The following FFAR4 variants were observed in gnomAD, a reference collection of about 807,000 sequenced individuals.
FFAR4 encodes the protein G-protein coupled receptor 120.
Under a neutral mutation model 27.0 loss-of-function variants are expected in FFAR4, and 19 were observed. That is an observed-to-expected ratio of 0.70 (90% CI 0.49 to 1.03). FFAR4 has a LOEUF of 1.03. Among genes scored for constraint, FFAR4 ranks in the 50% least tolerant of loss-of-function variants. FFAR4 has a pLI of 0.00. For missense variants in FFAR4, 476 were observed against 479.0 expected (o/e 0.99, Z 0.06); for synonymous variants, 254 against 215.6 (o/e 1.18, Z -1.56).
At chr10:93,567,673 CAG>C (rs2058107180) in intron 1 of FFAR4, among the ~76,000 whole-genome samples, 2 of 152,120 alleles carry the variant, frequency 1.3e-5, no homozygotes, top group Non-Finnish European at 2.9e-5. Flanking sequence ...AGATGAGAAC[CAG>C]AGGCACACCG....
At chr10:93,580,190 C>A (rs74150273) in intron 2 of FFAR4, among the ~76,000 whole-genome samples, 6,493 of 152,230 alleles carry the variant, frequency 0.043, 438 homozygotes, top group African/African-American at 0.14. Flanking sequence ...ACTGAGTCAG[C>A]TTTTCTGTCC....
chr10:93,580,174 A>G (rs1039245844), intron 2 of FFAR4, among the ~76,000 whole-genome samples: 4 of 152,236 alleles, frequency 2.6e-5, no homozygotes, highest in African/African-American at 9.6e-5. Flanking sequence ...TACGTAACTC[A>G]GAGATACTGA....
intron 1 of FFAR4, among the ~76,000 whole-genome samples, chr10:93,570,177 CTCTG>C (rs1413564216): frequency 1.4e-5 from 2 of 146,496 alleles, no homozygotes; most frequent in African/African-American, 5.1e-5. Context: ...CTCTCTCTGT[CTCTG>C]TCTCTCTCAC....
chr10:93,589,515 AACTCAAGGGGAAT>A lies in FFAR4; in HGVS notation c.*1911_*1923del, dbSNP rs2134561848. The A allele has an allele frequency of 6.7e-6, 1 of 149,960 alleles. No individual in the cohort carries two copies. Among genetic ancestry groups the A allele is most frequent in the African/African-American group, 2.4e-5 (1 of 40,958 alleles). The allele number at this position is 149,960 out of a possible 1,614,324, so 9.3% of individuals were successfully genotyped here. On this transcript the variant is annotated 3_prime_UTR_variant, in exon 3 of 3. Coordinates refer to ENST00000371481, the MANE Select transcript of FFAR4 (RefSeq NM_001195755.2). Reference sequence around the variant, plus strand: ...TTGATAGAATGTGAGGGAAAGGGAGAACTCAAGGGGAATACTCTGATTTTTTAGCCTGTCATTG... The same window carrying A: ...TTGATAGAATGTGAGGGAAAGGGAGAACTCTGATTTTTTAGCCTGTCATTG...
intron 2 of FFAR4, among the ~76,000 whole-genome samples, chr10:93,586,949 G>A (rs1382322337): frequency 1.3e-5 from 2 of 152,144 alleles, no homozygotes; most frequent in Non-Finnish European, 2.9e-5. Flanking sequence ...AAATAACAGG[G>A]AAGATGTCCC....
chr10:93,567,119 C>A lies in FFAR4; in HGVS notation c.399C>A (p.Ser133Arg). 2 of 1,608,612 alleles carry A rather than the reference C, an allele frequency of 1.2e-6. No homozygotes were observed. The highest frequency in any genetic ancestry group is 1.7e-6 in the Non-Finnish European group (2 of 1,178,806). ...SVTILTLAAV[S>R]LERMVCIVHL... Reference sequence around the variant, plus strand: ...CCATCCTCACGCTGGCCGCGGTCAGCCTGGAGCGCATGGTGTGCATCGTGC... The same window carrying A: ...CCATCCTCACGCTGGCCGCGGTCAGACTGGAGCGCATGGTGTGCATCGTGC... The change falls in exon 1 of 3, where the codon AGC (serine) becomes AGA (arginine). Residue 133 changes from serine (S) to arginine (R), a missense_variant. Physicochemically the swap from Ser to Arg is moderately radical, Grantham distance 110. Transcript: ENST00000371481.
intron 1 of FFAR4, among the ~76,000 whole-genome samples, chr10:93,572,470 C>T (rs2058137190): frequency 6.6e-6 from 1 of 152,098 alleles, no homozygotes; most frequent in South Asian, 2.1e-4. Flanking sequence ...GAAGCGTTGG[C>T]AGAGGAGAGG....
chr10:93,584,323 T>C (rs145443392), intron 2 of FFAR4, among the ~76,000 whole-genome samples: 8 of 152,330 alleles, frequency 5.3e-5, no homozygotes, highest in Non-Finnish European at 1.0e-4. Flanking sequence ...GAGACTTTTG[T>C]AATTTGTCTC....
In FFAR4 at chr10:93,590,044, T is replaced by G. The variant is rs1319091478; in HGVS notation, c.*2435T>G. 6.6e-6 allele frequency: 1 copy of G among 152,214 alleles called. No homozygotes were observed. Among genetic ancestry groups the G allele is most frequent in the African/African-American group, 2.4e-5 (1 of 41,440 alleles). 9.4% of individuals were successfully genotyped at this position (152,214 alleles called of 1,614,324 possible). ...TTTTGCTCACTTTAGTTAATAGATTTGATCAATTAAACCTGTTTTTGGAAG... is the reference window on the plus strand; with the variant it reads ...TTTTGCTCACTTTAGTTAATAGATTGGATCAATTAAACCTGTTTTTGGAAG... On this transcript the variant is annotated 3_prime_UTR_variant, in exon 3 of 3. Transcript: ENST00000371481.
Position 93,586,295 on chromosome 10 carries a change from C to T in FFAR4, c.697-925C>T, listed in dbSNP as rs541212579. On this transcript the variant is annotated intron_variant, in intron 2 of 2. Transcript: ENST00000371481. ...CCCCCTTCGCTTGGTTCTCATTCTT[C>T]TCCTTCCTGCCACCGTGTGGAGAAA... Among the ~76,000 whole-genome samples, 5 of 152,264 alleles carry T rather than the reference C, an allele frequency of 3.3e-5. No homozygotes were observed. In the South Asian group the frequency reaches 1.0e-3, roughly 32 times the overall value.
At chr10:93,580,316 C>CA (rs762859058) in intron 2 of FFAR4, among the ~76,000 whole-genome samples, 13 of 152,316 alleles carry the variant, frequency 8.5e-5, no homozygotes, top group Non-Finnish European at 1.5e-4. Context: ...GGGATACAAA[C>CA]ACTACAGCAC....
chr10:93,574,437 C>T (rs960332898), intron 1 of FFAR4, among the ~76,000 whole-genome samples: 3 of 152,098 alleles, frequency 2.0e-5, no homozygotes, highest in South Asian at 2.1e-4. Flanking sequence ...CCATTTCTTC[C>T]GATTGATGCT....
At chr10:93,568,744 T>C (rs1040190360) in intron 1 of FFAR4, among the ~76,000 whole-genome samples, 3 of 149,160 alleles carry the variant, frequency 2.0e-5, no homozygotes, top group African/African-American at 4.9e-5. Flanking sequence ...CTGTGCGAGA[T>C]TTTTTTTTTT....
chr10:93,581,871 C>T (rs905194463), intron 2 of FFAR4, among the ~76,000 whole-genome samples: 5 of 152,088 alleles, frequency 3.3e-5, no homozygotes, highest in Admixed American at 6.5e-5. Flanking sequence ...TGTGCCTCAC[C>T]GGAGAAGACA....
chr10:93,584,503 C>T (rs896303720), intron 2 of FFAR4, among the ~76,000 whole-genome samples: 21 of 152,084 alleles, frequency 1.4e-4, no homozygotes, highest in South Asian at 6.2e-4. Context: ...TTAAATGTGA[C>T]GACTGAGAAG....
In FFAR4 at chr10:93,566,691, C is replaced by G. The variant is rs372628323; in HGVS notation, c.-30C>G. The G allele has an allele frequency of 2.3e-3, 3,323 of 1,454,390 alleles. 4 individuals carry two copies. The highest frequency in any genetic ancestry group is 2.8e-3 in the Non-Finnish European group (3,057 of 1,079,116). 90.1% of individuals were successfully genotyped at this position (1,454,390 alleles called of 1,614,324 possible). On this transcript the variant is annotated 5_prime_UTR_variant, in exon 1 of 3. An upstream open reading frame in the 5' UTR gains an earlier in-frame stop. Coordinates refer to ENST00000371481, the MANE Select transcript of FFAR4 (RefSeq NM_001195755.2). ...GTCGCCTCCCAGATGAGCACTCTCT[C>G]AGACCGCTGCGGGCCGCCAGGCGCC...
rs201313858 is a variant in FFAR4 at position 93,587,910 on chromosome 10, A to ACC, written c.*305_*306dup. On this transcript the variant is annotated 3_prime_UTR_variant, in exon 3 of 3. Coordinates refer to ENST00000371481, the MANE Select transcript of FFAR4 (RefSeq NM_001195755.2). Reference sequence around the variant, plus strand: ...AGACCAACCTGACCAACATGGTGAGACCCCCGTCTCTACTAAAAATAAAAA... The same window carrying ACC: ...AGACCAACCTGACCAACATGGTGAGACCCCCCCGTCTCTACTAAAAATAAAAA... The ACC allele has an allele frequency of 4.4e-4, 93 of 209,074 alleles. No homozygotes were observed. The highest frequency in any genetic ancestry group is 2.1e-3 in the African/African-American group (90 of 43,006). The allele number at this position is 209,074 out of a possible 1,614,324, so 13.0% of individuals were successfully genotyped here. A position where few individuals can be genotyped will look rare whatever the true frequency, so the allele number is the denominator to read the frequency against.
At position 93,587,653 on chromosome 10, in the gene FFAR4, A is replaced by T. The variant is rs2058237457; in HGVS notation, c.*44A>T. Reference sequence around the variant, plus strand: ...TTTCTCACACCTGGCGAGCTGTGGCATGCTTTTAAACAGAGTTCATTTCCA... The same window carrying T: ...TTTCTCACACCTGGCGAGCTGTGGCTTGCTTTTAAACAGAGTTCATTTCCA... On this transcript the variant is annotated 3_prime_UTR_variant, in exon 3 of 3. Transcript: ENST00000371481. The T allele has an allele frequency of 3.2e-6, 5 of 1,574,842 alleles. No individual in the cohort carries two copies. Among genetic ancestry groups the T allele is most frequent in the African/African-American group, 1.3e-5 (1 of 74,144 alleles).
chr10:93,569,833 C>T (rs1397764691), intron 1 of FFAR4, among the ~76,000 whole-genome samples: 1 of 151,018 alleles, frequency 6.6e-6, no homozygotes, highest in Non-Finnish European at 1.5e-5. Context: ...CTGAGGTGGG[C>T]GGATCACTTG....
Sources: gnomAD v4.1 joint callset for allele counts (sites outside exome capture counted in the v4.1 genomes callset) on GRCh38, gnomAD v4.1.1 for gene constraint, MANE v1.5 for transcripts, NCBI Gene and HGNC (gene_info 2026-07-23, HGNC 2026-07-21) for gene names.